Variants in ARB2A observed in about 807,000 individuals in gnomAD.
The protein encoded by ARB2A is ARB2 cotranscriptional regulator A.
the ARB2A span, among the ~76,000 whole-genome samples, chr5:93,941,459 A>G: frequency 1.3e-5 from 2 of 152,186 alleles, no homozygotes; most frequent in East Asian, 1.9e-4. Flanking sequence ...AAATTAAACA[A>G]GATTTTTATG....
the ARB2A span, among the ~76,000 whole-genome samples, chr5:93,877,100 C>G: frequency 6.6e-6 from 1 of 152,106 alleles, no homozygotes; most frequent in Admixed American, 6.6e-5. Context: ...CGTTTTGTGT[C>G]CATGTAATTC....
At chr5:94,099,647 A>G in the ARB2A span, among the ~76,000 whole-genome samples, 2 of 151,080 alleles carry the variant, frequency 1.3e-5, no homozygotes, top group African/African-American at 4.9e-5. Context: ...AAAAAAAAAA[A>G]AAAACCGAAA....
At chr5:93,870,316 T>G in the ARB2A span, among the ~76,000 whole-genome samples, 1 of 152,250 alleles carries the variant, frequency 6.6e-6, no homozygotes, top group Non-Finnish European at 1.5e-5. Context: ...AATGTCTCAA[T>G]GAGGCAGTCC....
At chr5:93,767,594 G>GACA in the ARB2A span, among the ~76,000 whole-genome samples, 3 of 152,000 alleles carry the variant, frequency 2.0e-5, no homozygotes, top group Admixed American at 1.3e-4. Flanking sequence ...TAGCACAACT[G>GACA]ACAATTGCAA....
chr5:93,679,711 A>C, the ARB2A span, among the ~76,000 whole-genome samples: 1 of 152,152 alleles, frequency 6.6e-6, no homozygotes, highest in Non-Finnish European at 1.5e-5. Flanking sequence ...ACATGCAAAA[A>C]ATGTGATATT....
chr5:93,976,817 T>A, the ARB2A span, among the ~76,000 whole-genome samples: 1 of 152,164 alleles, frequency 6.6e-6, no homozygotes, highest in Non-Finnish European at 1.5e-5. Flanking sequence ...AGTCACATTA[T>A]CTCTTTTCAT....
the ARB2A span, among the ~76,000 whole-genome samples, chr5:93,997,614 A>G: frequency 1.3e-5 from 2 of 151,996 alleles, no homozygotes; most frequent in African/African-American, 2.4e-5. Context: ...AAATGCATCA[A>G]TTGTAACTCC....
chr5:93,878,052 G>A, the ARB2A span, among the ~76,000 whole-genome samples: 1 of 149,008 alleles, frequency 6.7e-6, no homozygotes, highest in African/African-American at 2.4e-5. Flanking sequence ...TATAGTTCAA[G>A]GTATCAAATA....
the ARB2A span, among the ~76,000 whole-genome samples, chr5:93,888,154 T>C: frequency 6.6e-6 from 1 of 151,914 alleles, no homozygotes; most frequent in Non-Finnish European, 1.5e-5. Context: ...ATCTTGCAAA[T>C]TTCTCTGCTA....
At chr5:94,048,625 G>A in the ARB2A span, among the ~76,000 whole-genome samples, 1 of 152,130 alleles carries the variant, frequency 6.6e-6, no homozygotes, top group Non-Finnish European at 1.5e-5. Flanking sequence ...AAATCCCAAA[G>A]AGGCAGTGTC....
chr5:93,926,766 T>TG, the ARB2A span, among the ~76,000 whole-genome samples: 12 of 152,050 alleles, frequency 7.9e-5, no homozygotes, highest in African/African-American at 2.7e-4. Flanking sequence ...AGATTTTTTT[T>TG]TTTTTTTTAG....
the ARB2A span, among the ~76,000 whole-genome samples, chr5:93,899,205 T>A: frequency 2.0e-5 from 3 of 152,128 alleles, no homozygotes; most frequent in Admixed American, 6.6e-5. Context: ...GGGTCAGATA[T>A]ATTTTAAAAG....
At chr5:94,053,215 C>A in the ARB2A span, 2 of 1,534,096 alleles carry the variant, frequency 1.3e-6, no homozygotes, top group East Asian at 2.3e-5. Flanking sequence ...CAAATCTATC[C>A]TAGATAATAA....
At chr5:93,963,696 C>T in the ARB2A span, among the ~76,000 whole-genome samples, 4 of 151,964 alleles carry the variant, frequency 2.6e-5, no homozygotes, top group Non-Finnish European at 4.4e-5. Context: ...AAATGAACTA[C>T]TTTCATTAAG....
chr5:93,766,149 C>T, the ARB2A span, among the ~76,000 whole-genome samples: 1 of 152,108 alleles, frequency 6.6e-6, no homozygotes, highest in African/African-American at 2.4e-5. Context: ...ATGTCTAAAA[C>T]ACCAAAAGCA....
At chr5:93,715,550 G>A in the ARB2A span, among the ~76,000 whole-genome samples, 1 of 151,914 alleles carries the variant, frequency 6.6e-6, no homozygotes, top group African/African-American at 2.4e-5. Context: ...GAGGCTTCAG[G>A]GGCTCTGTGT....
chr5:93,824,300 T>A, the ARB2A span: 1 of 1,444,416 alleles, frequency 6.9e-7, no homozygotes, highest in Non-Finnish European at 9.4e-7. Context: ...ATATTACATA[T>A]TATACCTAAT....
At chr5:93,832,114 C>T in the ARB2A span, among the ~76,000 whole-genome samples, 1 of 152,250 alleles carries the variant, frequency 6.6e-6, no homozygotes, top group South Asian at 2.1e-4. Flanking sequence ...CAGGGCAGCA[C>T]CAGACACTAC....
chr5:94,089,603 AC>A, the ARB2A span, among the ~76,000 whole-genome samples: 2 of 126,820 alleles, frequency 1.6e-5, no homozygotes, highest in African/African-American at 2.7e-5. Context: ...ATACACACAC[AC>A]ACACACACAC....
Sources: gnomAD v4.1 joint callset for allele counts (sites outside exome capture counted in the v4.1 genomes callset) on GRCh38, gnomAD v4.1.1 for gene constraint, MANE v1.5 for transcripts, NCBI Gene and HGNC (gene_info 2026-07-23, HGNC 2026-07-21) for gene names.